Variants in TAFA4 observed in about 807,000 individuals in gnomAD.
The protein encoded by TAFA4 is chemokine-like protein TAFA-4.
TAFA4 carries 20 observed loss-of-function variants against 21.1 expected under a neutral mutation model. The ratio of observed to expected loss-of-function variants is 0.95; its 90% confidence interval spans 0.67 to 1.38. TAFA4 has a LOEUF of 1.38. TAFA4 is among the 40% of genes most tolerant of loss of function. The probability of loss-of-function intolerance (pLI) is 0.00; values close to 1 mark genes in which losing one functional copy is unlikely to be tolerated. For missense variants in TAFA4, 211 were observed against 180.9 expected (o/e 1.17, Z -0.95); for synonymous variants, 71 against 67.4 (o/e 1.05, Z -0.26).
intron 3 of TAFA4, among the ~76,000 whole-genome samples, chr3:68,854,225 C>G (rs1486986525): frequency 6.6e-6 from 1 of 151,956 alleles, no homozygotes; most frequent in Non-Finnish European, 1.5e-5. Flanking sequence ...GGAGGGAACA[C>G]AGGCCTGAGA....
At chr3:68,806,242 G>A (rs1423760839) in intron 3 of TAFA4, among the ~76,000 whole-genome samples, 2 of 151,948 alleles carry the variant, frequency 1.3e-5, no homozygotes, top group Non-Finnish European at 2.9e-5. Flanking sequence ...TGTTAAGTAA[G>A]GAGAAAAAAT....
intron 1 of TAFA4, among the ~76,000 whole-genome samples, chr3:68,921,314 A>G (rs1414513986): frequency 1.3e-5 from 2 of 152,036 alleles, no homozygotes; most frequent in South Asian, 2.1e-4. Flanking sequence ...ACACATTTCT[A>G]TAACTCAGAT....
chr3:68,830,336 T>G (rs532387973), intron 3 of TAFA4, among the ~76,000 whole-genome samples: 1 of 152,328 alleles, frequency 6.6e-6, no homozygotes, highest in Non-Finnish European at 1.5e-5. Context: ...GTGCTATAAA[T>G]TTCCCTCAAC....
At position 68,733,018 on chromosome 3, in the gene TAFA4, A is replaced by G; in HGVS notation, c.*124T>C. On this transcript the variant is annotated 3_prime_UTR_variant, in exon 6 of 6. Coordinates refer to ENST00000295569, the MANE Select transcript of TAFA4 (RefSeq NM_182522.5). ...GTGAATGCCACCTCTCACAGCTCAC[A>G]TATACAAATATGAAGTTGCTGAAAT... 1 of 1,288,062 alleles carries G rather than the reference A, an allele frequency of 7.8e-7. No individual in the cohort carries two copies. Among genetic ancestry groups the G allele is most frequent in the Non-Finnish European group, 1.1e-6 (1 of 911,030 alleles). 79.8% of individuals were successfully genotyped at this position (1,288,062 alleles called of 1,614,324 possible). A position where few individuals can be genotyped will look rare whatever the true frequency, so the allele number is the denominator to read the frequency against.
At chr3:68,742,337 G>C (rs199613474) in intron 4 of TAFA4, among the ~76,000 whole-genome samples, 2 of 92,820 alleles carry the variant, frequency 2.2e-5, no homozygotes, top group Non-Finnish European at 4.5e-5. Flanking sequence ...ACTTAAATTA[G>C]AAAGGAAGAA....
At chr3:68,744,268 A>G (rs781215454) in intron 4 of TAFA4, among the ~76,000 whole-genome samples, 21 of 152,194 alleles carry the variant, frequency 1.4e-4, no homozygotes, top group Non-Finnish European at 2.1e-4. Flanking sequence ...CAGCAGACGC[A>G]TGTGGCTGAA....
At chr3:68,831,652 T>C (rs762746208) in intron 3 of TAFA4, among the ~76,000 whole-genome samples, 2 of 152,158 alleles carry the variant, frequency 1.3e-5, no homozygotes, top group Non-Finnish European at 2.9e-5. Context: ...AATCTGGCAA[T>C]TATATGTCTT....
At chr3:68,774,397 G>T (rs971775904) in intron 3 of TAFA4, among the ~76,000 whole-genome samples, 1 of 152,164 alleles carries the variant, frequency 6.6e-6, no homozygotes, top group Non-Finnish European at 1.5e-5. Context: ...GGGAAAGAAA[G>T]ATAAGACCAT....
chr3:68,773,008 T>C (rs1286452082), intron 3 of TAFA4, among the ~76,000 whole-genome samples: 1 of 152,212 alleles, frequency 6.6e-6, no homozygotes, highest in Non-Finnish European at 1.5e-5. Context: ...CAATCATCTA[T>C]ATGAGAGAGC....
intron 3 of TAFA4, among the ~76,000 whole-genome samples, chr3:68,811,842 T>C (rs539320195): frequency 7.9e-5 from 12 of 152,148 alleles, no homozygotes; most frequent in African/African-American, 2.6e-4. Context: ...AGATACTCCT[T>C]GAGAAGAGCA....
At position 68,752,918 on chromosome 3, in the gene TAFA4, A is replaced by G. The variant is rs1336205190; in HGVS notation, c.231T>C (p.Ser77=). ...TGCCCGCCACCTGTCCCGGGAAGCAAGAGCACTTGACCGTTTGTGACCGCT... is the reference window on the plus strand; with the variant it reads ...TGCCCGCCACCTGTCCCGGGAAGCAGGAGCACTTGACCGTTTGTGACCGCT... ...IEERSQTVKC[S]CFPGQVAGTT... is the part of the protein sequence containing the mutation. The change falls in exon 4 of 6, where the codon TCT becomes TCC. Residue 77 remains serine, a synonymous_variant. Transcript: ENST00000295569. 2.5e-6 allele frequency: 4 copies of G among 1,614,142 alleles called. No individual in the cohort carries two copies. Among genetic ancestry groups the G allele is most frequent in the Non-Finnish European group, 3.4e-6 (4 of 1,180,036 alleles).
At chr3:68,736,988 T>A (rs1384311216) in intron 5 of TAFA4, among the ~76,000 whole-genome samples, 1 of 152,162 alleles carries the variant, frequency 6.6e-6, no homozygotes, top group African/African-American at 2.4e-5. Flanking sequence ...ACAGCAAACT[T>A]ACATTCCCAG....
At chr3:68,785,789 G>A (rs1322305413) in intron 3 of TAFA4, among the ~76,000 whole-genome samples, 2 of 149,830 alleles carry the variant, frequency 1.3e-5, no homozygotes, top group African/African-American at 5.1e-5. Context: ...TGCCGAGAGT[G>A]AGCGAGAGTG....
At position 68,810,581 on chromosome 3, in the gene TAFA4, C is replaced by G. The variant is rs143555234; in HGVS notation, c.131-57563G>C. Among the ~76,000 whole-genome samples, 449 of 152,292 alleles carry G rather than the reference C, an allele frequency of 2.9e-3. 2 individuals are homozygous for G. Among genetic ancestry groups the G allele is most frequent in the African/African-American group, 0.01 (428 of 41,556 alleles). ...CACAGAGCCTCACTCATTGCTAGCA[C>G]AGCAGTCTGAGATCAAACTGCAAGG... On this transcript the variant is annotated intron_variant, in intron 3 of 5. Coordinates refer to ENST00000295569, the MANE Select transcript of TAFA4 (RefSeq NM_182522.5).
chr3:68,867,604 C>G (rs1282417772), intron 3 of TAFA4, among the ~76,000 whole-genome samples: 2 of 151,992 alleles, frequency 1.3e-5, no homozygotes, highest in Non-Finnish European at 1.5e-5. Flanking sequence ...ACAAATCTAT[C>G]AAAAGTAACA....
At chr3:68,864,426 A>T (rs1666774197) in intron 3 of TAFA4, among the ~76,000 whole-genome samples, 1 of 152,162 alleles carries the variant, frequency 6.6e-6, no homozygotes, top group Non-Finnish European at 1.5e-5. Context: ...AAATGGCTAA[A>T]ATTAAAGATA....
intron 1 of TAFA4, among the ~76,000 whole-genome samples, chr3:68,893,198 A>G (rs1305823651): frequency 6.6e-6 from 1 of 152,230 alleles, no homozygotes; most frequent in Non-Finnish European, 1.5e-5. Flanking sequence ...TAAATTTTGG[A>G]GATTATCTAC....
At chr3:68,829,835 T>C (rs962232333) in intron 3 of TAFA4, among the ~76,000 whole-genome samples, 4 of 152,174 alleles carry the variant, frequency 2.6e-5, no homozygotes, top group African/African-American at 9.7e-5. Context: ...TTTTGGTTGG[T>C]AGGGTATTAA....
intron 5 of TAFA4, among the ~76,000 whole-genome samples, chr3:68,734,864 G>T (rs955488187): frequency 7.2e-5 from 11 of 152,072 alleles, no homozygotes; most frequent in African/African-American, 2.7e-4. Flanking sequence ...GTCTACATCC[G>T]GGATGTAATT....
Sources: allele counts gnomAD v4.1 joint callset (sites outside exome capture counted in the v4.1 genomes callset), GRCh38; gene constraint gnomAD v4.1.1; transcripts MANE v1.5; gene names NCBI Gene and HGNC (gene_info 2026-07-23, HGNC 2026-07-21).